Variants in GTPBP4 observed in about 807,000 individuals in gnomAD.
GTPBP4 encodes GTP binding protein 4.
Under a neutral mutation model 81.7 loss-of-function variants are expected in GTPBP4, and 15 were observed. That is an observed-to-expected ratio of 0.18 (90% CI 0.12 to 0.28). GTPBP4 has a LOEUF of 0.28. GTPBP4 is among the 10% of genes least tolerant of loss of function. The pLI is 1.00. For missense variants in GTPBP4, 847 were observed against 793.8 expected (o/e 1.07, Z -0.81); for synonymous variants, 272 against 274.6 (o/e 0.99, Z 0.09).
chr10:1,000,453 G>T (rs760998199), intron 6 of GTPBP4, among the ~76,000 whole-genome samples: 3 of 151,598 alleles, frequency 2.0e-5, no homozygotes, highest in Non-Finnish European at 4.4e-5. Flanking sequence ...GAGCCAGGAT[G>T]GTCTCGATCT....
intron 14 of GTPBP4, among the ~76,000 whole-genome samples, chr10:1,013,165 G>A (rs1175590147): frequency 6.6e-6 from 1 of 151,924 alleles, no homozygotes; most frequent in Non-Finnish European, 1.5e-5. Flanking sequence ...TGTATTTTTA[G>A]TGGAGATGGG....
At chr10:1,007,447 T>G (rs1831763186) in intron 10 of GTPBP4, 1 of 231,684 alleles carries the variant, frequency 4.3e-6, no homozygotes, top group Admixed American at 5.1e-5. Context: ...AAATTTTCAT[T>G]TTTTTGGCTG....
rs1832031828 is a variant in GTPBP4 at position 1,018,640 on chromosome 10, C to G, written c.*1413C>G. ...TGGCTAACACGGTGAAACCCCGTCT[C>G]TACTAAAAATACAAAAAATTAGCTG... On this transcript the variant is annotated 3_prime_UTR_variant, in exon 17 of 17. Coordinates refer to ENST00000360803, the MANE Select transcript of GTPBP4 (RefSeq NM_012341.3). The G allele has an allele frequency of 6.6e-6, 1 of 151,926 alleles. No homozygotes were observed. The highest frequency in any genetic ancestry group is 6.6e-5 in the Admixed American group (1 of 15,234). The allele number at this position is 151,926 out of a possible 1,614,324, so 9.4% of individuals were successfully genotyped here. A position where few individuals can be genotyped will look rare whatever the true frequency, so the allele number is the denominator to read the frequency against.
intron 1 of GTPBP4, 141 bp downstream of exon 1, chr10:988,668 C>A: frequency 3.1e-6 from 2 of 650,680 alleles, no homozygotes; most frequent in Non-Finnish European, 5.5e-6. Context: ...CGTCTGGCCG[C>A]GTACTCGGGA....
At position 1,001,001 on chromosome 10, in the gene GTPBP4, T is replaced by A. The variant is rs1337674564; in HGVS notation, c.900T>A (p.Ser300=). ...KCDVKRIAEL[S]EDDQKIFTDL... ...ATGTGAAGAGAATAGCTGAACTTTC[T>A]GAAGATGATCAGGTAAATCACGTTA... The change falls in exon 8 of 17, where the codon TCT becomes TCA. Residue 300 remains serine (S), a synonymous_variant. Transcript: ENST00000360803. 5 of 1,602,960 alleles carry A rather than the reference T, an allele frequency of 3.1e-6. No homozygotes were observed. The highest frequency in any genetic ancestry group is 3.4e-6 in the Non-Finnish European group (4 of 1,169,916).
At chr10:1,007,630 T>TA (rs1564469479) in intron 10 of GTPBP4, among the ~76,000 whole-genome samples, 2 of 152,244 alleles carry the variant, frequency 1.3e-5, no homozygotes, top group Admixed American at 6.5e-5. Context: ...CACACATCGT[T>TA]ACGCTGTGTC....
In GTPBP4 at chr10:1,015,896, G is replaced by A. The variant is rs139437936; in HGVS notation, c.1752G>A (p.Lys584=). 4.3e-4 allele frequency: 691 copies of A among 1,611,068 alleles called. 1 individual carries two copies. Among genetic ancestry groups the A allele is most frequent in the Middle Eastern group, 9.9e-4 (6 of 6,072 alleles). The part of the protein sequence containing the change: ...PRDVSGLRDV[K]MVKKAKTMMK... ...ACGTTTCTGGTCTTAGGGATGTCAAGGTCAGTCTCTGTGTTGTGTAATGTA... is the reference window on the plus strand; with the variant it reads ...ACGTTTCTGGTCTTAGGGATGTCAAAGTCAGTCTCTGTGTTGTGTAATGTA... The change falls in exon 16 of 17, where the codon AAG becomes AAA. Residue 584 remains lysine, a splice_region_variant and synonymous_variant. Transcript: ENST00000360803.
intron 8 of GTPBP4, among the ~76,000 whole-genome samples, chr10:1,003,620 A>G (rs1438723093): frequency 6.6e-6 from 1 of 152,206 alleles, no homozygotes; most frequent in East Asian, 1.9e-4. Context: ...CTTTCTGGAT[A>G]GGAGCAGTGA....
intron 13 of GTPBP4, 122 bp downstream of exon 13, chr10:1,010,642 T>A (rs1361646261): frequency 1.4e-6 from 1 of 711,730 alleles, no homozygotes; most frequent in Non-Finnish European, 2.6e-6. Flanking sequence ...CCCTCCATCC[T>A]GACTCTGCCC....
intron 9 of GTPBP4, 55 bp from the exon 10 acceptor site, chr10:1,006,963 C>A: frequency 9.3e-7 from 1 of 1,069,524 alleles, no homozygotes; most frequent in Non-Finnish European, 1.5e-6. Flanking sequence ...GAACCTGTAG[C>A]TGGAGGCTGC....
Position 1,019,857 on chromosome 10 carries a change from T to A in GTPBP4, c.*2630T>A. The A allele has an allele frequency of 2.0e-6, 3 of 1,518,306 alleles. No individual in the cohort carries two copies. The highest frequency in any genetic ancestry group is 2.7e-6 in the Non-Finnish European group (3 of 1,093,916). The allele number at this position is 1,518,306 out of a possible 1,614,324, so 94.1% of individuals were successfully genotyped here. On this transcript the variant is annotated 3_prime_UTR_variant, in exon 17 of 17. Transcript: ENST00000360803. Reference sequence around the variant, plus strand: ...AATCTATTGACAGAAATTGGTGCAGTGTTAACAACGCTAATGTAAAACACA... The same window carrying A: ...AATCTATTGACAGAAATTGGTGCAGAGTTAACAACGCTAATGTAAAACACA...
chr10:991,143 G>T, intron 1 of GTPBP4, among the ~76,000 whole-genome samples: 1 of 152,240 alleles, frequency 6.6e-6, no homozygotes, highest in East Asian at 1.9e-4. Flanking sequence ...GAGACTGGGC[G>T]TGCCCCTCAT....
chr10:1,014,467 C>T (rs139788308), intron 15 of GTPBP4, among the ~76,000 whole-genome samples, 155 bp downstream of exon 15: 130 of 151,088 alleles, frequency 8.6e-4, no homozygotes, highest in African/African-American at 3.1e-3. Context: ...CCAGCCTGGC[C>T]AACATGGTGA....
chr10:999,369 C>T (rs964241278), intron 6 of GTPBP4, among the ~76,000 whole-genome samples: 12 of 152,176 alleles, frequency 7.9e-5, no homozygotes, highest in African/African-American at 2.9e-4. Context: ...GATCTGCCCG[C>T]CTTGGCCTCC....
intron 8 of GTPBP4, among the ~76,000 whole-genome samples, chr10:1,005,496 A>G (rs1831712377): frequency 6.6e-6 from 1 of 151,998 alleles, no homozygotes; most frequent in African/African-American, 2.4e-5. Context: ...TCTGCTCCCC[A>G]GGGTGCCTGT....
At chr10:995,671 G>A (rs557997942) in intron 2 of GTPBP4, among the ~76,000 whole-genome samples, 10 of 152,202 alleles carry the variant, frequency 6.6e-5, no homozygotes, top group Non-Finnish European at 1.3e-4. Flanking sequence ...CAGGGTCGGG[G>A]GCTGGTCATT....
In GTPBP4 at chr10:1,012,562, G is replaced by T; in HGVS notation, c.1442G>T (p.Arg481Leu). Residue 481 changes from arginine to leucine, a missense_variant, in exon 14 of 17, where the codon CGA (arginine) becomes CTA (leucine). By Grantham distance (102) the Arg-to-Leu change is moderately radical (BLOSUM62 -2). This residue lies in a region of GTPBP4 where 600 missense variants were observed against 557.1 expected (regional missense o/e 1.08). Coordinates refer to ENST00000360803, the MANE Select transcript of GTPBP4 (RefSeq NM_012341.3). ...ESEDEEMLEI[R>L]QLAKQIREKK... ...GAAGACGAAGAGATGCTGGAAATCC[G>T]ACAGCTGGCAAAGCAAATTCGAGAG... 3.1e-6 allele frequency: 5 copies of T among 1,613,618 alleles called. No homozygotes were observed. Among genetic ancestry groups the T allele is most frequent in the Non-Finnish European group, 4.2e-6 (5 of 1,179,528 alleles).
intron 8 of GTPBP4, 64 bp downstream of exon 8, chr10:1,001,077 C>T: frequency 1.7e-6 from 2 of 1,155,148 alleles, no homozygotes; most frequent in East Asian, 2.4e-5. Context: ...TCTCAGACAA[C>T]CAAAGTTTAG....
At chr10:1,012,339 C>A in intron 13 of GTPBP4, 126 bp from the exon 14 acceptor site, 1 of 657,108 alleles carries the variant, frequency 1.5e-6, no homozygotes, top group Non-Finnish European at 2.6e-6. Flanking sequence ...CCAGGTGGGT[C>A]TGGACCAGGG....
Sources: allele counts gnomAD v4.1 joint callset (sites outside exome capture counted in the v4.1 genomes callset), GRCh38; gene constraint gnomAD v4.1.1; regional missense constraint gnomAD v4.1.1; transcripts MANE v1.5; gene names NCBI Gene and HGNC (gene_info 2026-07-23, HGNC 2026-07-21).